Variants in HDAC9 observed in about 807,000 individuals in gnomAD.
HDAC9 encodes MEF-2 interacting transcription repressor (MITR) protein.
A neutral mutation model predicts 139.4 loss-of-function variants in HDAC9; 41 were observed. The observed-to-expected ratio is 0.29, with a 90% CI of 0.23 to 0.38. The LOEUF is 0.38. Among genes scored for constraint, HDAC9 ranks in the 10% least tolerant of loss-of-function variants. HDAC9 has a pLI of 1.00. For missense variants in HDAC9, 1,147 were observed against 1,297.0 expected (o/e 0.88, Z 1.78); for synonymous variants, 517 against 476.2 (o/e 1.09, Z -1.12).
intron 1 of HDAC9, chr7:18,395,292 A>G (rs1172457697): frequency 6.6e-6 from 1 of 152,134 alleles, no homozygotes; most frequent in Non-Finnish European, 1.5e-5. Flanking sequence ...TATCTCACTT[A>G]ATACTCAACT....
chr7:18,459,411 G>A (rs1027732367), intron 1 of HDAC9, among the ~76,000 whole-genome samples: 2 of 152,106 alleles, frequency 1.3e-5, no homozygotes, highest in African/African-American at 2.4e-5. Context: ...TACAAAAATG[G>A]TGAGTAAATA....
rs185940825 is a variant in HDAC9 at position 18,160,775 on chromosome 7, C to G, written c.-96-1454C>G. 5.5e-3 allele frequency among the ~76,000 whole-genome samples: 843 copies of G among 152,132 alleles called. 2 individuals carry two copies. The highest frequency in any genetic ancestry group is 0.019 in the African/African-American group (807 of 41,502). ...GGGATTACAGGCGCCCACCACCATGCCTGGCTAATTTTTTGTATTTTTAGT... is the reference window on the plus strand; with the variant it reads ...GGGATTACAGGCGCCCACCACCATGGCTGGCTAATTTTTTGTATTTTTAGT... On this transcript the variant is annotated intron_variant, in intron 1 of 12. Coordinates refer to the HDAC9 transcript ENST00000417496.
At chr7:18,097,615 T>C in intron 1 of HDAC9, among the ~76,000 whole-genome samples, 1 of 152,148 alleles carries the variant, frequency 6.6e-6, no homozygotes. Context: ...TCACACAGGC[T>C]ATAATGCAGC....
intron 14 of HDAC9, among the ~76,000 whole-genome samples, chr7:18,757,171 C>G (rs969576577): frequency 1.3e-5 from 2 of 152,016 alleles, no homozygotes; most frequent in African/African-American, 2.4e-5. Context: ...AACTTTGACA[C>G]TAAGAAGTCA....
chr7:18,122,149 G>T (rs532589347), intron 1 of HDAC9, among the ~76,000 whole-genome samples: 2 of 152,294 alleles, frequency 1.3e-5, no homozygotes, highest in African/African-American at 4.8e-5. Flanking sequence ...TTAAGGTTGG[G>T]AGAGCTTAAG....
intron 22 of HDAC9, among the ~76,000 whole-genome samples, chr7:18,905,108 C>G (rs1480581074): frequency 1.3e-5 from 2 of 150,532 alleles, no homozygotes; most frequent in African/African-American, 4.9e-5. Flanking sequence ...CCAGGTTGGT[C>G]TCAAACTCTT....
chr7:18,445,038 T>TG (rs1398099680), intron 1 of HDAC9, among the ~76,000 whole-genome samples: 1 of 152,220 alleles, frequency 6.6e-6, no homozygotes, highest in African/African-American at 2.4e-5. Context: ...TATCATACTA[T>TG]GGCCTGAAAA....
intron 2 of HDAC9, among the ~76,000 whole-genome samples, chr7:18,180,263 A>ACACACACACCCC (rs1554322969): frequency 2.3e-4 from 35 of 149,656 alleles, no homozygotes; most frequent in Middle Eastern, 3.4e-3. Context: ...ACACACACAC[A>ACACACACACCCC]CACACACACA....
At chr7:18,702,985 ATAT>A (rs1783623122) in intron 12 of HDAC9, among the ~76,000 whole-genome samples, 1 of 152,228 alleles carries the variant, frequency 6.6e-6, no homozygotes. Flanking sequence ...AAATCCACAC[ATAT>A]TATATGAATC....
At chr7:18,824,952 G>A (rs1795300973) in intron 17 of HDAC9, among the ~76,000 whole-genome samples, 1 of 152,208 alleles carries the variant, frequency 6.6e-6, no homozygotes. Flanking sequence ...TGAAATAAAA[G>A]GGGATGGAGA....
At position 18,497,539 on chromosome 7, in the gene HDAC9, A is replaced by G. The variant is rs151028247; in HGVS notation, c.22+1215A>G. ...AAATATCAATTTTGCATAATTTGGT[A>G]TTTATACACTTAAGTGACAGGAATT... is the stretch of plus-strand genomic sequence containing the variant. On this transcript the variant is annotated intron_variant, in intron 2 of 25. Transcript: ENST00000686413. 3.2e-3 allele frequency among the ~76,000 whole-genome samples: 481 copies of G among 152,266 alleles called. 5 individuals are homozygous for G. The highest frequency in any genetic ancestry group is 0.011 in the African/African-American group (449 of 41,582).
intron 22 of HDAC9, among the ~76,000 whole-genome samples, chr7:18,934,859 G>T (rs1037706781): frequency 1.3e-5 from 2 of 152,076 alleles, no homozygotes; most frequent in African/African-American, 2.4e-5. Flanking sequence ...TCATGGCGAC[G>T]TTATTTGTAA....
intron 2 of HDAC9, among the ~76,000 whole-genome samples, chr7:18,207,539 CTTTTT>C (rs56690120): frequency 1.1e-4 from 6 of 53,742 alleles, no homozygotes; most frequent in Admixed American, 3.3e-4. Context: ...CCCAAGGAGT[CTTTTT>C]TTTTTTTTTT....
intron 1 of HDAC9, among the ~76,000 whole-genome samples, chr7:18,376,267 T>A (rs1166465851): frequency 6.6e-6 from 1 of 152,170 alleles, no homozygotes; most frequent in Non-Finnish European, 1.5e-5. Flanking sequence ...CAAAATAAAT[T>A]CAATCTAGAA....
chr7:18,738,177 G>C (rs1267017331), intron 13 of HDAC9, among the ~76,000 whole-genome samples: 3 of 152,166 alleles, frequency 2.0e-5, no homozygotes, highest in Non-Finnish European at 4.4e-5. Context: ...TGGGTCTCCT[G>C]AATACAGCAC....
intron 1 of HDAC9, among the ~76,000 whole-genome samples, chr7:18,324,009 G>A (rs1800244523): frequency 1.3e-5 from 2 of 150,980 alleles, no homozygotes; most frequent in African/African-American, 4.9e-5. Flanking sequence ...TTTTATAAGA[G>A]CACTAACCTC....
chr7:18,459,303 C>T (rs1366770351), intron 1 of HDAC9, among the ~76,000 whole-genome samples: 2 of 152,096 alleles, frequency 1.3e-5, no homozygotes, highest in African/African-American at 2.4e-5. Context: ...GAATTAACTC[C>T]TCTTCCCAGA....
At chr7:18,710,972 T>C (rs2129113065) in intron 12 of HDAC9, among the ~76,000 whole-genome samples, 1 of 152,328 alleles carries the variant, frequency 6.6e-6, no homozygotes, top group African/African-American at 2.4e-5. Flanking sequence ...AAATAGTACT[T>C]CCTAAAATTG....
rs771090434 is a variant in HDAC9 at position 18,647,877 on chromosome 7, G to A, written c.1128G>A (p.Pro376=). 5 of 1,612,468 alleles carry A rather than the reference G, an allele frequency of 3.1e-6. No homozygotes were observed. The highest frequency in any genetic ancestry group is 2.7e-5 in the African/African-American group (2 of 74,880). ...CTGGGCAGTATGGAGGCAGCATCCCGGCATCTTCCAGCCACCCTCATGTTA... is the reference window on the plus strand; with the variant it reads ...CTGGGCAGTATGGAGGCAGCATCCCAGCATCTTCCAGCCACCCTCATGTTA... The part of the protein sequence containing the change: ...PLPGQYGGSI[P]ASSSHPHVTL... The change falls in exon 10 of 26, where the codon CCG becomes CCA. Residue 376 remains proline (P), a synonymous_variant. Coordinates refer to ENST00000686413, the MANE Select transcript of HDAC9 (RefSeq NM_178425.4).
Sources: allele counts gnomAD v4.1 joint callset (sites outside exome capture counted in the v4.1 genomes callset), GRCh38; gene constraint gnomAD v4.1.1; transcripts MANE v1.5; gene names NCBI Gene and HGNC (gene_info 2026-07-23, HGNC 2026-07-21).